DENND5B: variants seen among roughly 807,000 people sequenced by gnomAD.
The protein encoded by DENND5B is DENN domain-containing protein 5B.
A neutral mutation model predicts 140.6 loss-of-function variants in DENND5B; 34 were observed. The ratio of observed to expected loss-of-function variants is 0.24; its 90% confidence interval spans 0.18 to 0.32. The LOEUF is 0.32. DENND5B is among the 10% of genes least tolerant of loss of function. The pLI, the probability that DENND5B is intolerant of heterozygous loss-of-function variation, is 1.00. For missense variants in DENND5B, 1,142 were observed against 1,560.2 expected, an observed-to-expected ratio of 0.73 and a Z score of 4.52; for synonymous variants, 551 against 562.1, an observed-to-expected ratio of 0.98 and a Z score of 0.28.
At chr12:31,504,260 G>A (rs143061961) in intron 1 of DENND5B, among the ~76,000 whole-genome samples, 1,574 of 152,152 alleles carry the variant, frequency 0.01, 27 homozygotes, top group African/African-American at 0.037. Flanking sequence ...AATGTACATG[G>A]GCAGCTCTGG....
chr12:31,490,223 T>C (rs1946471835), intron 2 of DENND5B, among the ~76,000 whole-genome samples: 1 of 146,944 alleles, frequency 6.8e-6, no homozygotes, highest in Non-Finnish European at 1.5e-5. Context: ...CTAGCTGCAA[T>C]GTTAAGGAAA....
intron 16 of DENND5B, 26 bp downstream of exon 16, chr12:31,399,628 C>T: frequency 6.3e-7 from 1 of 1,580,202 alleles, no homozygotes; most frequent in Non-Finnish European, 8.7e-7. Context: ...ACAAAGAATT[C>T]TGAGTTCCCA....
At chr12:31,413,275 A>G (rs1435253942) in intron 13 of DENND5B, among the ~76,000 whole-genome samples, 161 bp downstream of exon 13, 1 of 152,230 alleles carries the variant, frequency 6.6e-6, no homozygotes, top group Admixed American at 6.5e-5. Context: ...CAAGTATTAC[A>G]TCAAAACAGT....
At chr12:31,560,058 C>T (rs1400949553) in intron 1 of DENND5B, among the ~76,000 whole-genome samples, 1 of 152,152 alleles carries the variant, frequency 6.6e-6, no homozygotes, top group Non-Finnish European at 1.5e-5. Context: ...ACATTCTCTC[C>T]CTTGGTGATC....
chr12:31,422,555 C>T (rs533974535), intron 11 of DENND5B, among the ~76,000 whole-genome samples: 1 of 151,924 alleles, frequency 6.6e-6, no homozygotes, highest in South Asian at 2.1e-4. Context: ...GAGCCGAGAT[C>T]GTACCACTGT....
chr12:31,586,135 T>C (rs1325707582), intron 1 of DENND5B, among the ~76,000 whole-genome samples: 1 of 152,180 alleles, frequency 6.6e-6, no homozygotes, highest in Non-Finnish European at 1.5e-5. Context: ...AATTAAGCCA[T>C]GTGTACTCCT....
intron 1 of DENND5B, among the ~76,000 whole-genome samples, chr12:31,516,615 C>G (rs1361818928): frequency 1.3e-5 from 2 of 151,996 alleles, no homozygotes; most frequent in Non-Finnish European, 2.9e-5. Flanking sequence ...GGTTGCAAAA[C>G]AATATACGAT....
intron 8 of DENND5B, among the ~76,000 whole-genome samples, chr12:31,431,263 A>G (rs558387011): frequency 5.9e-5 from 9 of 152,322 alleles, no homozygotes; most frequent in African/African-American, 2.2e-4. Flanking sequence ...TAAACGCCCT[A>G]GCCCTTTACA....
At chr12:31,482,781 C>T (rs555774347) in intron 2 of DENND5B, among the ~76,000 whole-genome samples, 4 of 152,242 alleles carry the variant, frequency 2.6e-5, no homozygotes, top group African/African-American at 9.6e-5. Context: ...CTGGATGTAA[C>T]AGCCTGTTTC....
intron 1 of DENND5B, among the ~76,000 whole-genome samples, chr12:31,539,856 C>G (rs575415374): frequency 6.3e-4 from 95 of 151,520 alleles, no homozygotes; most frequent in African/African-American, 2.2e-3. Flanking sequence ...TTATTCAACA[C>G]GGTACTAGAA....
chr12:31,493,814 G>C (rs1386935406), intron 2 of DENND5B, among the ~76,000 whole-genome samples: 2 of 152,210 alleles, frequency 1.3e-5, no homozygotes, highest in Non-Finnish European at 2.9e-5. Flanking sequence ...CTGGGTGACA[G>C]AGCGAGACTA....
chr12:31,423,727 TA>T lies in DENND5B; in HGVS notation c.2392-53del, dbSNP rs1302820405. On this transcript the variant is annotated intron_variant, in intron 10 of 20. Coordinates refer to ENST00000389082, the MANE Select transcript of DENND5B (RefSeq NM_144973.4). ...TCATAAGAAATAATTCATCAAAAAA[TA>T]ATTTCTCATCCAAATCATTCATATT... The T allele has an allele frequency of 7.0e-6, 11 of 1,563,686 alleles. No homozygotes were observed. In the South Asian group the frequency reaches 7.8e-5, roughly 11 times the overall value.
chr12:31,460,052 A>T, intron 4 of DENND5B, 142 bp downstream of exon 4: 1 of 772,622 alleles, frequency 1.3e-6, no homozygotes. Context: ...TCTATAGCTC[A>T]GGCTCTCCCC....
At chr12:31,526,904 A>G (rs1591984160) in intron 1 of DENND5B, among the ~76,000 whole-genome samples, 1 of 152,334 alleles carries the variant, frequency 6.6e-6, no homozygotes, top group East Asian at 1.9e-4. Context: ...ATTAAGGCAA[A>G]GAAGGATATA....
intron 1 of DENND5B, among the ~76,000 whole-genome samples, chr12:31,567,576 C>G (rs1187099629): frequency 7.2e-6 from 1 of 139,608 alleles, no homozygotes; most frequent in Non-Finnish European, 1.5e-5. Context: ...CACTTCAAAT[C>G]TCGTCCCAGT....
intron 1 of DENND5B, among the ~76,000 whole-genome samples, chr12:31,529,782 C>T (rs1445438065): frequency 6.6e-6 from 1 of 151,410 alleles, no homozygotes; most frequent in Non-Finnish European, 1.5e-5. Flanking sequence ...AACACAAAAT[C>T]ACATCAGTTT....
intron 1 of DENND5B, among the ~76,000 whole-genome samples, chr12:31,579,354 C>T (rs1950130527): frequency 6.6e-6 from 1 of 152,128 alleles, no homozygotes; most frequent in South Asian, 2.1e-4. Context: ...CCAGTCATCG[C>T]TGCATTTTGT....
chr12:31,429,471 C>G (rs113076173), intron 8 of DENND5B, among the ~76,000 whole-genome samples: 12 of 152,068 alleles, frequency 7.9e-5, no homozygotes, highest in South Asian at 2.1e-4. Context: ...TGCAGTGGCT[C>G]GGTCTTGGCT....
intron 14 of DENND5B, among the ~76,000 whole-genome samples, chr12:31,407,988 G>A (rs77684191): frequency 6.6e-6 from 1 of 152,022 alleles, no homozygotes; most frequent in East Asian, 1.9e-4. Context: ...GCTATCATTC[G>A]GCTTTCTATA....
Sources: allele counts gnomAD v4.1 joint callset (sites outside exome capture counted in the v4.1 genomes callset), GRCh38; gene constraint gnomAD v4.1.1; transcripts MANE v1.5; gene names NCBI Gene and HGNC (gene_info 2026-07-23, HGNC 2026-07-21).